DNAH5: variants seen among roughly 807,000 people sequenced by gnomAD.
DNAH5 encodes the protein dynein axonemal heavy chain 5, also known as axonemal beta dynein heavy chain 5.
Under a neutral mutation model 518.2 loss-of-function variants are expected in DNAH5, and 372 were observed. The ratio of observed to expected loss-of-function variants is 0.72; its 90% CI spans 0.66 to 0.78. The LOEUF (loss-of-function observed/expected upper bound fraction) is 0.78, where lower values mean the gene tolerates loss of function less well. DNAH5 is among the 30% of genes least tolerant of loss of function. The pLI, the probability that DNAH5 is intolerant of heterozygous loss-of-function variation, is 0.00. For missense variants in DNAH5, 5,523 were observed against 5,687.0 expected, an observed-to-expected ratio of 0.97 and a Z score of 0.93; for synonymous variants, 2,039 against 2,025.9, an observed-to-expected ratio of 1.01 and a Z score of -0.17.
In DNAH5 at chr5:13,807,809, G is replaced by A. The variant is rs1580350010; in HGVS notation, c.7753-84C>T. 1.2e-5 allele frequency: 14 copies of A among 1,194,070 alleles called. No homozygotes were observed. In the East Asian group the frequency reaches 3.5e-4, roughly 30 times the overall value. The allele number at this position is 1,194,070 out of a possible 1,614,324, so 74.0% of individuals were successfully genotyped here. On this transcript the variant is annotated intron_variant, in intron 46 of 78. Coordinates refer to ENST00000265104, the MANE Select transcript of DNAH5 (RefSeq NM_001369.3). The stretch of plus-strand genomic sequence containing the variant: ...TTTGTCCCCCCAAAATTCATATGCT[G>A]AATCTTCAACCCCTAGTACCTTAAA...
intron 3 of DNAH5, among the ~76,000 whole-genome samples, chr5:13,925,141 A>T (rs1010239395): frequency 1.3e-5 from 2 of 152,158 alleles, no homozygotes; most frequent in Non-Finnish European, 2.9e-5. Context: ...TAACTAGAAG[A>T]TCAATCTCCC....
intron 12 of DNAH5, among the ~76,000 whole-genome samples, chr5:13,908,487 A>G (rs1427792402): frequency 6.6e-6 from 1 of 152,082 alleles, no homozygotes; most frequent in Non-Finnish European, 1.5e-5. Context: ...CTCTGTCAAC[A>G]TGTAAGACCT....
intron 1 of DNAH5, among the ~76,000 whole-genome samples, chr5:13,987,872 T>A (rs1783169525): frequency 1.3e-5 from 2 of 148,858 alleles, no homozygotes; most frequent in South Asian, 4.3e-4. Context: ...TCTTGTTTAA[T>A]CTTAAATAAG....
chr5:13,708,524 A>G (rs941969933), intron 75 of DNAH5, among the ~76,000 whole-genome samples, 189 bp from the exon 76 acceptor site: 2 of 152,182 alleles, frequency 1.3e-5, no homozygotes, highest in East Asian at 3.9e-4. Context: ...TTAGATGACC[A>G]GCCCGAATTT....
chr5:13,771,144 C>T (rs1753287468), intron 55 of DNAH5, 164 bp from the exon 56 acceptor site: 2 of 615,710 alleles, frequency 3.2e-6, no homozygotes, highest in Non-Finnish European at 5.7e-6. Context: ...AGGCCTATAA[C>T]ATCAACAATT....
At chr5:13,842,427 G>T (rs868581385) in intron 32 of DNAH5, among the ~76,000 whole-genome samples, 3 of 35,486 alleles carry the variant, frequency 8.5e-5, no homozygotes, top group South Asian at 2.0e-3. Flanking sequence ...GAAAAGAAAA[G>T]AAAGAAAGAA....
intron 78 of DNAH5, among the ~76,000 whole-genome samples, chr5:13,698,371 G>C (rs901812266): frequency 2.0e-5 from 3 of 152,182 alleles, no homozygotes; most frequent in Admixed American, 1.3e-4. Context: ...CAGTAGTTAT[G>C]TCCTATAAAG....
intron 1 of DNAH5, among the ~76,000 whole-genome samples, chr5:13,996,190 C>T (rs566629553): frequency 6.6e-6 from 1 of 152,322 alleles, no homozygotes; most frequent in African/African-American, 2.4e-5. Context: ...AAACTATTCT[C>T]TCCTCCACAG....
intron 30 of DNAH5, 25 bp from the exon 31 acceptor site, chr5:13,850,840 C>T (rs1366422346): frequency 3.1e-6 from 5 of 1,612,888 alleles, no homozygotes; most frequent in Non-Finnish European, 3.4e-6. Flanking sequence ...TAACAAAGCA[C>T]ACTTAGATTT....
chr5:14,008,545 G>A (rs896100924), intron 1 of DNAH5, among the ~76,000 whole-genome samples: 4 of 151,840 alleles, frequency 2.6e-5, no homozygotes, highest in Non-Finnish European at 5.9e-5. Flanking sequence ...AATCACAGAA[G>A]AATCGAGAAT....
At position 13,777,347 on chromosome 5, in the gene DNAH5, T is replaced by A. The variant is rs149489069; in HGVS notation, c.8960A>T (p.Asn2987Ile). ...SFQITLTRSY[N>I]TSNLMEDLKV... Reference sequence around the variant, plus strand: ...CAGATCTTCCATCAGATTTGATGTGTTGTAGGATCTAAAGAAATATTTTCA... The same window carrying A: ...CAGATCTTCCATCAGATTTGATGTGATGTAGGATCTAAAGAAATATTTTCA... The change falls in exon 54 of 79, where the codon AAC (asparagine) becomes ATC (isoleucine). Residue 2987 changes from asparagine to isoleucine, a missense_variant. This residue lies in a region of DNAH5 where 5,121 missense variants were observed against 5,223.3 expected (regional missense o/e 0.98). Coordinates refer to ENST00000265104, the MANE Select transcript of DNAH5 (RefSeq NM_001369.3). The A allele has an allele frequency of 3.4e-4, 556 of 1,613,090 alleles. 1 individual carries two copies. The highest frequency in any genetic ancestry group is 2.0e-4 in the Non-Finnish European group (232 of 1,179,404).
intron 1 of DNAH5, among the ~76,000 whole-genome samples, chr5:13,979,793 T>C (rs1328083447): frequency 1.3e-5 from 2 of 152,192 alleles, no homozygotes; most frequent in Non-Finnish European, 2.9e-5. Flanking sequence ...GTTTGGTTTT[T>C]TGTTTAGTTT....
intron 1 of DNAH5, among the ~76,000 whole-genome samples, chr5:13,995,937 T>C (rs1191160135): frequency 1.5e-4 from 23 of 152,212 alleles, no homozygotes. Context: ...GTTTACAGAT[T>C]TGTACCCTAC....
chr5:13,922,187 T>C lies in DNAH5; in HGVS notation c.580A>G (p.Asn194Asp), dbSNP rs1777383151. 6.2e-7 allele frequency: 1 copy of C among 1,613,974 alleles called. No individual in the cohort carries two copies. The highest frequency in any genetic ancestry group is 1.3e-5 in the African/African-American group (1 of 74,914). The change falls in exon 5 of 79, where the codon AAC becomes GAC. Residue 194 changes from asparagine (N) to aspartate (D), a missense_variant. By Grantham distance (23) the Asn-to-Asp change is conservative (BLOSUM62 1). Transcript: ENST00000265104. ...GELEGLQDAA[N>D]IRQEFLSSLE... ...GAGCTCAAGAACTCCTGGCGAATGT[T>C]AGCTGCGTCCTGAAGGCCCTCGAGC...
intron 71 of DNAH5, among the ~76,000 whole-genome samples, chr5:13,720,711 T>C (rs1024534501): frequency 2.6e-4 from 39 of 152,184 alleles, no homozygotes; most frequent in African/African-American, 9.4e-4. Context: ...ATATTCCATC[T>C]TCACCCACAG....
At chr5:13,907,301 C>T (rs756779584) in intron 12 of DNAH5, among the ~76,000 whole-genome samples, 36 of 151,866 alleles carry the variant, frequency 2.4e-4, no homozygotes, top group Non-Finnish European at 3.2e-4. Context: ...TGTGGTGGAG[C>T]GTGCCTGTAA....
At chr5:13,809,514 C>T (rs76469259) in intron 45 of DNAH5, among the ~76,000 whole-genome samples, 6 of 152,070 alleles carry the variant, frequency 3.9e-5, no homozygotes, top group East Asian at 1.9e-4. Context: ...TAGTCACTTT[C>T]GAATGTCTAA....
chr5:13,795,540 C>T (rs1460294101), intron 47 of DNAH5, among the ~76,000 whole-genome samples: 1 of 152,220 alleles, frequency 6.6e-6, no homozygotes, highest in Admixed American at 6.5e-5. Context: ...ACAGGCTCTG[C>T]AATTGAGGCA....
chr5:13,935,606 T>C lies in DNAH5; in HGVS notation c.58-4362A>G, dbSNP rs1282184969. ...CCACAATGTTTATCAATCTCAACTTTCATTGCATTACACTAAGGTATCCTG... is the reference window on the plus strand; with the variant it reads ...CCACAATGTTTATCAATCTCAACTTCCATTGCATTACACTAAGGTATCCTG... On this transcript the variant is annotated intron_variant, in intron 1 of 78. Transcript: ENST00000265104. 5.3e-5 allele frequency among the ~76,000 whole-genome samples: 8 copies of C among 152,376 alleles called. No homozygotes were observed. In the East Asian group the frequency reaches 1.5e-3, roughly 29 times the overall value.
Sources: gnomAD v4.1 joint callset for allele counts (sites outside exome capture counted in the v4.1 genomes callset) on GRCh38, gnomAD v4.1.1 for gene constraint, gnomAD v4.1.1 regional missense constraint, MANE v1.5 for transcripts, NCBI Gene and HGNC (gene_info 2026-07-23, HGNC 2026-07-21) for gene names.